Variants in HEATR4 observed in about 807,000 individuals in gnomAD.
The protein encoded by HEATR4 is HEAT repeat containing 4, also known as HEAT repeat-containing protein 4.
A neutral mutation model predicts 108.8 loss-of-function variants in HEATR4; 95 were observed. That is an observed-to-expected ratio of 0.87 (90% CI 0.74 to 1.04). HEATR4 has a LOEUF of 1.04. Among genes scored for constraint, HEATR4 ranks in the 50% least tolerant of loss-of-function variants. HEATR4 has a pLI of 0.00. For missense variants in HEATR4, 1,152 were observed against 1,253.8 expected (o/e 0.92, Z 1.23); for synonymous variants, 443 against 459.4 (o/e 0.96, Z 0.46).
rs771225345 is a variant in HEATR4, at chr14:73,498,153, A to G, written c.2546+2T>C. On this transcript the variant is annotated splice_donor_variant, in intron 14 of 17. Transcript: ENST00000553558. LOFTEE classifies it high-confidence loss of function. ...GGTGGGAGCCAGAGGTTTAGTGCTT[A>G]CTTTAGAACAGCATCGTGGTTCTCC... 11 of 1,603,588 alleles carry G rather than the reference A, an allele frequency of 6.9e-6. No homozygotes were observed. The highest frequency in any genetic ancestry group is 2.6e-6 in the Non-Finnish European group (3 of 1,172,070).
chr14:73,530,769 C>T (rs1888662933), intron 1 of HEATR4, among the ~76,000 whole-genome samples: 1 of 112,668 alleles, frequency 8.9e-6, no homozygotes, highest in African/African-American at 2.9e-5. Flanking sequence ...GGAGCATAGG[C>T]ACATAGCACA....
At chr14:73,483,252 G>T (rs1381922403) in intron 17 of HEATR4, among the ~76,000 whole-genome samples, 1 of 152,150 alleles carries the variant, frequency 6.6e-6, no homozygotes, top group African/African-American at 2.4e-5. Flanking sequence ...TAATTGTAAT[G>T]ATTACCTGAA....
the HEATR4 span, among the ~76,000 whole-genome samples, chr14:73,627,518 G>A: frequency 6.7e-3 from 1,018 of 152,206 alleles, 5 homozygotes; most frequent in Middle Eastern, 0.027. Flanking sequence ...CACAGAACTT[G>A]GGAAACACTT....
At chr14:73,506,008 A>G (rs996578705) in intron 10 of HEATR4, among the ~76,000 whole-genome samples, 7 of 149,026 alleles carry the variant, frequency 4.7e-5, no homozygotes, top group African/African-American at 1.7e-4. Flanking sequence ...CTCCTGCCTC[A>G]GCCTCCCAAG....
the HEATR4 span, chr14:73,616,721 C>G: frequency 8.8e-5 from 25 of 284,788 alleles, no homozygotes; most frequent in South Asian, 1.0e-3. Flanking sequence ...ATTTCAATAC[C>G]TTTTGGTGTA....
At chr14:73,560,444 C>G (rs1214627958), upstream of HEATR4, among the ~76,000 whole-genome samples, 1 of 151,848 alleles carries the variant, frequency 6.6e-6, no homozygotes, top group African/African-American at 2.4e-5. Flanking sequence ...GGGCGGATCA[C>G]GAGGTCAGGA....
At position 73,514,220 on chromosome 14, in the gene HEATR4, GCA is replaced by G; in HGVS notation, c.1223_1224del (p.Val408AlafsTer22). 1 of 1,614,050 alleles carries G rather than the reference GCA, an allele frequency of 6.2e-7. No homozygotes were observed. Among genetic ancestry groups the G allele is most frequent in the Non-Finnish European group, 8.5e-7 (1 of 1,179,992 alleles). Reference protein sequence around the residue: ...QAIPEASYRPVQGALRWTALP... With the variant: ...QAIPEASYRPXQGALRWTALP... ...AAAGCAGTCCAGCGCAGGGCTCCTTGCACAGGTCTGTAAGCTGTGCAACGTGG... is the reference window on the plus strand; with the variant it reads ...AAAGCAGTCCAGCGCAGGGCTCCTTGCAGGTCTGTAAGCTGTGCAACGTGG... On this transcript the variant is annotated frameshift_variant, in exon 6 of 18. Transcript: ENST00000553558. LOFTEE classifies it high-confidence loss of function.
At chr14:73,629,108 G>T in the HEATR4 span, among the ~76,000 whole-genome samples, 1 of 151,672 alleles carries the variant, frequency 6.6e-6, no homozygotes, top group East Asian at 1.9e-4. Context: ...CCAACCTTCT[G>T]CAACCACCAC....
Position 73,550,606 on chromosome 14 carries a change from C to T in HEATR4, c.-152+8145G>A, listed in dbSNP as rs1216548147. On this transcript the variant is annotated intron_variant, in intron 1 of 17. Transcript: ENST00000553558. ...GACTCCCATAAAGGGAGTCTCCCTACTGCCAGTCTCTGCTGTCTCACCCTT... is the reference window on the plus strand; with the variant it reads ...GACTCCCATAAAGGGAGTCTCCCTATTGCCAGTCTCTGCTGTCTCACCCTT... Among the ~76,000 whole-genome samples the T allele has an allele frequency of 7.2e-5, 8 of 111,688 alleles. 2 individuals carry two copies. The highest frequency in any genetic ancestry group is 2.4e-4 in the African/African-American group (8 of 33,988). The allele number at this position is 111,688 out of a possible 152,430, so 73.3% of individuals were successfully genotyped here.
chr14:73,484,539 C>T (rs772295410), intron 17 of HEATR4, among the ~76,000 whole-genome samples: 64 of 151,780 alleles, frequency 4.2e-4, no homozygotes, highest in Admixed American at 1.8e-3. Context: ...CCACCACACC[C>T]GGCTAATTTT....
At chr14:73,612,399 T>C in the HEATR4 span, 2 of 438,370 alleles carry the variant, frequency 4.6e-6, no homozygotes, top group African/African-American at 2.0e-5. Flanking sequence ...CACTGGTGTA[T>C]TTGCACAAAT....
At chr14:73,560,497 C>A (rs548182521), upstream of HEATR4, among the ~76,000 whole-genome samples, 275 of 151,834 alleles carry the variant, frequency 1.8e-3, no homozygotes, top group African/African-American at 6.2e-3. Context: ...CCCATCTCTA[C>A]TAAAAATACA....
At chr14:73,605,870 T>TG in the HEATR4 span, among the ~76,000 whole-genome samples, 5 of 152,178 alleles carry the variant, frequency 3.3e-5, no homozygotes, top group South Asian at 1.0e-3. Context: ...AGTGCCTGGC[T>TG]GGGGGCTACA....
chr14:73,514,893 C>G (rs1453798034), intron 5 of HEATR4, among the ~76,000 whole-genome samples: 5 of 151,790 alleles, frequency 3.3e-5, no homozygotes, highest in Non-Finnish European at 7.4e-5. Flanking sequence ...ACGGTGAAAA[C>G]CCCGTCTCTA....
upstream of HEATR4, among the ~76,000 whole-genome samples, chr14:73,562,361 T>G (rs563543291): frequency 3.2e-4 from 48 of 152,240 alleles, 2 homozygotes; most frequent in Admixed American, 2.7e-3. Flanking sequence ...AAGCTGAGGA[T>G]GTACATAACC....
chr14:73,609,931 G>A, the HEATR4 span, among the ~76,000 whole-genome samples: 10 of 151,698 alleles, frequency 6.6e-5, no homozygotes, highest in Non-Finnish European at 1.0e-4. Flanking sequence ...GAGCCACCGC[G>A]CCTGGCCAGG....
rs369340974 is a variant in HEATR4 at position 73,500,030 on chromosome 14, C to G, written c.2286+520G>C. On this transcript the variant is annotated intron_variant, in intron 12 of 17. Coordinates refer to ENST00000553558, the MANE Select transcript of HEATR4 (RefSeq NM_001220484.1). Reference sequence around the variant, plus strand: ...GGATCACGAAGTCAGGACATCGAGACCATCCTGGCTAACACGGTGAAACCC... The same window carrying G: ...GGATCACGAAGTCAGGACATCGAGAGCATCCTGGCTAACACGGTGAAACCC... Among the ~76,000 whole-genome samples, 5 of 152,312 alleles carry G rather than the reference C, an allele frequency of 3.3e-5. No individual in the cohort carries two copies. In the East Asian group the frequency reaches 9.7e-4, roughly 29 times the overall value.
chr14:73,492,408 C>T lies in HEATR4; in HGVS notation c.2844+658G>A. On this transcript the variant is annotated intron_variant, in intron 17 of 17. Coordinates refer to ENST00000553558, the MANE Select transcript of HEATR4 (RefSeq NM_001220484.1). The surrounding 1 kb of genome is among the most constrained non-coding windows in gnomAD (Gnocchi z 4.9). Reference sequence around the variant, plus strand: ...CGAGACTTCATGGATTACATGGGGGCCCAGCATTCAGATTCTAAGGATCCG... The same window carrying T: ...CGAGACTTCATGGATTACATGGGGGTCCAGCATTCAGATTCTAAGGATCCG... The T allele has an allele frequency of 6.2e-7, 1 of 1,613,730 alleles. No homozygotes were observed. Among genetic ancestry groups the T allele is most frequent in the Non-Finnish European group, 8.5e-7 (1 of 1,179,744 alleles).
chr14:73,558,513 A>ATTTTT (rs66706377), intron 1 of HEATR4, among the ~76,000 whole-genome samples: 7 of 73,526 alleles, frequency 9.5e-5, no homozygotes, highest in African/African-American at 1.2e-4. Flanking sequence ...TCTCGGTTAA[A>ATTTTT]TTTTTTTTTT....
Sources: gnomAD v4.1 joint callset for allele counts (sites outside exome capture counted in the v4.1 genomes callset) on GRCh38, gnomAD v4.1.1 for gene constraint, Gnocchi (gnomAD v3.1) non-coding constraint, MANE v1.5 for transcripts, NCBI Gene and HGNC (gene_info 2026-07-23, HGNC 2026-07-21) for gene names.